The following SCMH1 variants were observed in gnomAD, a reference collection of about 807,000 sequenced individuals.
SCMH1 encodes polycomb protein SCMH1.
SCMH1 carries 37 observed loss-of-function variants against 70.8 expected under a neutral mutation model. The ratio of observed to expected loss-of-function variants is 0.52; its 90% confidence interval spans 0.40 to 0.69. The LOEUF (loss-of-function observed/expected upper bound fraction) is 0.69. SCMH1 is among the 30% of genes least tolerant of loss of function. SCMH1 has a pLI of 0.00. For synonymous variants in SCMH1, 292 were observed against 307.4 expected (o/e 0.95, Z 0.52); for missense variants, 607 against 827.3 (o/e 0.73, Z 3.27).
At position 41,075,250 on chromosome 1, in the gene SCMH1, G is replaced by C. The variant is rs142101369; in HGVS notation, c.947C>G (p.Pro316Arg). The change falls in exon 9 of 15, where the codon CCA (proline) becomes CGA (arginine). Residue 316 changes from proline to arginine, a missense_variant. Physicochemically the swap from Pro to Arg is moderately radical, Grantham distance 103. Transcript: ENST00000337495. Reference sequence around the variant, plus strand: ...GCCAGGTTTGGGACCTCTCTTCTTTGGGAATTTCAAAGGTTCAGCTGTCTT... The same window carrying C: ...GCCAGGTTTGGGACCTCTCTTCTTTCGGAATTTCAAAGGTTCAGCTGTCTT... The C allele has an allele frequency of 6.8e-5, 110 of 1,614,028 alleles. No homozygotes were observed. Among genetic ancestry groups the C allele is most frequent in the Non-Finnish European group, 9.0e-5 (106 of 1,180,032 alleles).
rs184522031 is a variant in SCMH1, at chr1:41,145,935, T to C, written c.178-2823A>G. 1.7e-3 allele frequency among the ~76,000 whole-genome samples: 254 copies of C among 152,298 alleles called. 6 individuals carry two copies. Among genetic ancestry groups the C allele is most frequent in the Non-Finnish European group, 1.2e-4 (8 of 68,010 alleles). ...TGATAACAATTGACTATGTTACTGGTTTATGTGTTTACTATATATTTTAAA... is the reference window on the plus strand; with the variant it reads ...TGATAACAATTGACTATGTTACTGGCTTATGTGTTTACTATATATTTTAAA... On this transcript the variant is annotated intron_variant, in intron 5 of 14. Coordinates refer to ENST00000337495, the Ensembl canonical transcript of SCMH1.
chr1:41,140,388 G>T (rs1256046371), intron 6 of SCMH1, among the ~76,000 whole-genome samples: 9 of 151,766 alleles, frequency 5.9e-5, no homozygotes, highest in African/African-American at 2.2e-4. Context: ...CGCCTCCCGG[G>T]TTCAACTGAT....
At chr1:41,069,723 T>C (rs1209727458) in intron 10 of SCMH1, among the ~76,000 whole-genome samples, 1 of 152,144 alleles carries the variant, frequency 6.6e-6, no homozygotes, top group Non-Finnish European at 1.5e-5. Flanking sequence ...TCACACAAAG[T>C]GAATCAAGGC....
At chr1:41,208,445 AAAT>A (rs917374012) in intron 1 of SCMH1, among the ~76,000 whole-genome samples, 24 of 146,002 alleles carry the variant, frequency 1.6e-4, no homozygotes, top group Non-Finnish European at 2.8e-4. Context: ...TAAAAAAAAA[AAAT>A]AAAAAATAAA....
intron 10 of SCMH1, among the ~76,000 whole-genome samples, chr1:41,061,868 TTC>T (rs1652782032): frequency 6.6e-6 from 1 of 152,098 alleles, no homozygotes; most frequent in Non-Finnish European, 1.5e-5. Context: ...TTTTTAAAAT[TTC>T]TCATTTTTTT....
At chr1:41,128,275 G>C (rs1673718261) in intron 6 of SCMH1, among the ~76,000 whole-genome samples, 1 of 152,148 alleles carries the variant, frequency 6.6e-6, no homozygotes, top group South Asian at 2.1e-4. Context: ...TTGCTTTGCA[G>C]AGATCCATTT....
chr1:41,227,410 C>G (rs1660481421), intron 1 of SCMH1, among the ~76,000 whole-genome samples: 1 of 152,068 alleles, frequency 6.6e-6, no homozygotes, highest in African/African-American at 2.4e-5. Flanking sequence ...TATTATTGAG[C>G]CTTTAATTTT....
chr1:41,161,208 A>C (rs1645997077), intron 3 of SCMH1, among the ~76,000 whole-genome samples, 156 bp downstream of exon 3: 2 of 152,252 alleles, frequency 1.3e-5, no homozygotes, highest in Admixed American at 6.5e-5. Context: ...AAAACAAAGT[A>C]TATTGCTTAT....
At chr1:41,028,533 G>C (rs1558248271) in intron 14 of SCMH1, 51 bp downstream of exon 15, 1 of 1,608,650 alleles carries the variant, frequency 6.2e-7, no homozygotes, top group Non-Finnish European at 8.5e-7. Context: ...TCCCCACCAG[G>C]TGAGGCTCTC....
intron 13 of SCMH1, 147 bp from the exon 14 acceptor site, chr1:41,034,195 C>A: frequency 2.8e-6 from 3 of 1,066,222 alleles, no homozygotes; most frequent in Non-Finnish European, 3.7e-6. Flanking sequence ...CTCTGCCTCT[C>A]TACTTGAGAG....
rs570361035 is a variant in SCMH1 at position 41,212,012 on chromosome 1, G to A, written c.-117-25762C>T. 5.9e-5 allele frequency among the ~76,000 whole-genome samples: 9 copies of A among 152,276 alleles called. No homozygotes were observed. The East Asian group carries it at 1.7e-3, about 29-fold the overall frequency. On this transcript the variant is annotated intron_variant, in intron 1 of 14. Coordinates refer to ENST00000337495, the Ensembl canonical transcript of SCMH1. The stretch of plus-strand genomic sequence containing the variant: ...CGGGGAACATGACACACCAGGGCCT[G>A]TTGCGGGGTAGGGAGCTGGGGGAGG...
intron 2 of SCMH1, among the ~76,000 whole-genome samples, chr1:41,181,959 T>A (rs551252031): frequency 2.0e-5 from 3 of 152,114 alleles, no homozygotes; most frequent in South Asian, 2.1e-4. Context: ...CAAATGTCCA[T>A]CAATGATAGA....
intron 1 of SCMH1, among the ~76,000 whole-genome samples, chr1:41,235,737 G>C (rs1250535885): frequency 6.6e-6 from 1 of 151,898 alleles, no homozygotes; most frequent in Non-Finnish European, 1.5e-5. Flanking sequence ...TTTCTCCCCA[G>C]CTTACCCTTT....
At chr1:41,037,311 T>A (rs754358527) in intron 13 of SCMH1, 51 bp downstream of exon 13, 2 of 1,565,368 alleles carry the variant, frequency 1.3e-6, no homozygotes, top group East Asian at 4.5e-5. Context: ...AGGAAGGAAG[T>A]GAAGGAAAGA....
chr1:41,190,152 C>T (rs1049608958), intron 1 of SCMH1, among the ~76,000 whole-genome samples: 2 of 152,078 alleles, frequency 1.3e-5, no homozygotes, highest in South Asian at 2.1e-4. Context: ...CATTCTAGGT[C>T]CTATATTTTG....
intron 13 of SCMH1, among the ~76,000 whole-genome samples, chr1:41,036,752 T>A (rs1213971669): frequency 6.6e-6 from 1 of 152,240 alleles, no homozygotes; most frequent in Admixed American, 6.5e-5. Flanking sequence ...CCAAATTGCA[T>A]GCAGTTCCTG....
intron 6 of SCMH1, among the ~76,000 whole-genome samples, chr1:41,129,860 G>A (rs541014748): frequency 3.9e-5 from 6 of 152,122 alleles, no homozygotes; most frequent in Non-Finnish European, 7.4e-5. Context: ...GGGTTCAAGC[G>A]ATCCTCCTGC....
chr1:41,150,466 G>A (rs972281731), intron 5 of SCMH1, among the ~76,000 whole-genome samples: 2 of 152,092 alleles, frequency 1.3e-5, no homozygotes, highest in African/African-American at 2.4e-5. Flanking sequence ...TCAAGACACC[G>A]CACTCCAGCC....
chr1:41,043,767 A>C (rs904262524), intron 12 of SCMH1: 1 of 152,022 alleles, frequency 6.6e-6, no homozygotes, highest in Non-Finnish European at 1.5e-5. Flanking sequence ...TTTCTTAATC[A>C]TAATAATACT....
Sources: allele counts gnomAD v4.1 joint callset (sites outside exome capture counted in the v4.1 genomes callset), GRCh38; gene constraint gnomAD v4.1.1; transcripts MANE v1.5; gene names NCBI Gene and HGNC (gene_info 2026-07-23, HGNC 2026-07-21).